PLAAT1: variants seen among roughly 807,000 people sequenced by gnomAD.
PLAAT1 encodes the protein phospholipase A and acyltransferase 1.
A neutral mutation model predicts 16.4 loss-of-function variants in PLAAT1; 13 were observed. The ratio of observed to expected loss-of-function variants is 0.79; its 90% CI spans 0.52 to 1.26. The LOEUF is 1.26. PLAAT1 is among the 50% of genes most tolerant of loss of function. The pLI is 0.00. For synonymous variants in PLAAT1, 73 were observed against 78.4 expected, an observed-to-expected ratio of 0.93 and a Z score of 0.36; for missense variants, 218 against 207.8, an observed-to-expected ratio of 1.05 and a Z score of -0.30.
chr3:193,256,569 G>A (rs906525557), intron 2 of PLAAT1, among the ~76,000 whole-genome samples: 1 of 152,098 alleles, frequency 6.6e-6, no homozygotes, highest in African/African-American at 2.4e-5. Flanking sequence ...TTCTGGCCTA[G>A]GAATTGTAAA....
intron 1 of PLAAT1, among the ~76,000 whole-genome samples, chr3:193,244,531 T>G (rs575483782): frequency 6.6e-6 from 1 of 152,104 alleles, no homozygotes; most frequent in South Asian, 2.1e-4. Flanking sequence ...TTTTAATCTA[T>G]CCATACATTA....
At chr3:193,263,599 G>A (rs966160659) in intron 3 of PLAAT1, among the ~76,000 whole-genome samples, 6 of 152,174 alleles carry the variant, frequency 3.9e-5, no homozygotes, top group African/African-American at 1.4e-4. Context: ...TTGAATGGGA[G>A]TTTATTTACC....
At chr3:193,250,182 T>C (rs551943916) in intron 1 of PLAAT1, among the ~76,000 whole-genome samples, 2 of 152,284 alleles carry the variant, frequency 1.3e-5, no homozygotes, top group African/African-American at 4.8e-5. Context: ...CACTAACCTC[T>C]TTGTGCTTGT....
chr3:193,254,997 G>C (rs1160404554), intron 1 of PLAAT1, among the ~76,000 whole-genome samples: 1 of 152,112 alleles, frequency 6.6e-6, no homozygotes, highest in Non-Finnish European at 1.5e-5. Context: ...GACAGAGTAG[G>C]TTTTGTAATA....
At chr3:193,277,742 C>G (rs972519771), downstream of PLAAT1, 1 of 152,218 alleles carries the variant, frequency 6.6e-6, no homozygotes, top group Non-Finnish European at 1.5e-5. Flanking sequence ...GAGAACCTGG[C>G]TCTTTTTCTC....
intron 2 of PLAAT1, among the ~76,000 whole-genome samples, chr3:193,275,894 G>A (rs1717175241): frequency 6.6e-6 from 1 of 151,910 alleles, no homozygotes; most frequent in Non-Finnish European, 1.5e-5. Flanking sequence ...TTTTATTATG[G>A]GAAGAACGTA....
intron 1 of PLAAT1, among the ~76,000 whole-genome samples, chr3:193,250,029 T>G (rs920814233): frequency 1.3e-5 from 2 of 152,110 alleles, no homozygotes; most frequent in African/African-American, 4.8e-5. Context: ...TTGGAACATA[T>G]TTCTATGTTT....
chr3:193,265,772 T>C (rs1270043851), intron 3 of PLAAT1, among the ~76,000 whole-genome samples: 1 of 151,512 alleles, frequency 6.6e-6, no homozygotes, highest in Non-Finnish European at 1.5e-5. Context: ...ATAATGAATG[T>C]TCTGCTCACA....
At chr3:193,244,005 CTAAGTA>C (rs1364465429) in intron 1 of PLAAT1, among the ~76,000 whole-genome samples, 2 of 152,150 alleles carry the variant, frequency 1.3e-5, no homozygotes, top group African/African-American at 2.4e-5. Flanking sequence ...ATTTTTTCCA[CTAAGTA>C]TAATTCTCTA....
At chr3:193,244,469 T>G (rs11921967) in intron 1 of PLAAT1, among the ~76,000 whole-genome samples, 57,581 of 131,238 alleles carry the variant, frequency 0.44, 12,492 homozygotes, top group Non-Finnish European at 0.52. Context: ...TCTCATTTTG[T>G]TTTTTTTTTT....
intron 1 of PLAAT1, among the ~76,000 whole-genome samples, chr3:193,250,518 G>A (rs913552354): frequency 6.6e-6 from 1 of 152,102 alleles, no homozygotes; most frequent in African/African-American, 2.4e-5. Flanking sequence ...TGTTGTCTAC[G>A]AGACTCAAAA....
intron 3 of PLAAT1, among the ~76,000 whole-genome samples, chr3:193,265,896 C>T (rs1193691071): frequency 2.0e-5 from 3 of 151,750 alleles, no homozygotes; most frequent in Non-Finnish European, 2.9e-5. Flanking sequence ...TCCTCTTCTT[C>T]TTTGTTAATG....
intron 1 of PLAAT1, among the ~76,000 whole-genome samples, chr3:193,253,383 A>G (rs1716263073): frequency 6.6e-6 from 1 of 152,216 alleles, no homozygotes; most frequent in South Asian, 2.1e-4. Context: ...TCACAGAATT[A>G]TCATGCCTGG....
intron 1 of PLAAT1, among the ~76,000 whole-genome samples, chr3:193,253,350 A>G (rs1051297960): frequency 1.3e-5 from 2 of 152,156 alleles, no homozygotes; most frequent in African/African-American, 4.8e-5. Flanking sequence ...ATATATTAGA[A>G]TTTTACAGTT....
chr3:193,273,052 C>G (rs184142222), downstream of PLAAT1, among the ~76,000 whole-genome samples: 1,076 of 152,260 alleles, frequency 7.1e-3, 5 homozygotes, highest in Non-Finnish European at 0.011. Flanking sequence ...AGATCGTTAT[C>G]CACCAGAAAC....
chr3:193,279,423 C>A, downstream of PLAAT1: 2 of 1,613,734 alleles, frequency 1.2e-6, no homozygotes, highest in Non-Finnish European at 8.5e-7. Flanking sequence ...TTGTGAGGCC[C>A]AAGGCAGCTA....
At chr3:193,245,613 A>G (rs982318332) in intron 1 of PLAAT1, among the ~76,000 whole-genome samples, 1 of 152,212 alleles carries the variant, frequency 6.6e-6, no homozygotes, top group African/African-American at 2.4e-5. Flanking sequence ...GGAAACTTCC[A>G]TACTATTTTC....
intron 3 of PLAAT1, among the ~76,000 whole-genome samples, chr3:193,268,245 G>A (rs538430019): frequency 1.2e-3 from 185 of 152,212 alleles, no homozygotes; most frequent in African/African-American, 4.4e-3. Flanking sequence ...AGTAGGCCTG[G>A]ACAAGGCAAC....
chr3:193,261,543 A>G (rs891385699), intron 2 of PLAAT1, among the ~76,000 whole-genome samples: 15 of 152,300 alleles, frequency 9.8e-5, no homozygotes, highest in Non-Finnish European at 1.3e-4. Context: ...TTAGAATATT[A>G]TAAGTGAAAA....
Sources: gnomAD v4.1 joint callset for allele counts (sites outside exome capture counted in the v4.1 genomes callset) on GRCh38, gnomAD v4.1.1 for gene constraint, MANE v1.5 for transcripts, NCBI Gene and HGNC (gene_info 2026-07-23, HGNC 2026-07-21) for gene names.